PPP4R3A: variants seen among roughly 807,000 people sequenced by gnomAD.
PPP4R3A encodes the protein serine/threonine-protein phosphatase 4 regulatory subunit 3A.
PPP4R3A carries 15 observed loss-of-function variants against 91.7 expected under a neutral mutation model. The observed-to-expected ratio is 0.16, with a 90% CI of 0.11 to 0.25. The LOEUF is 0.25. PPP4R3A is among the 10% of genes least tolerant of loss of function. PPP4R3A has a pLI of 1.00. For synonymous variants in PPP4R3A, 377 were observed against 348.7 expected (o/e 1.08, Z -0.91); for missense variants, 623 against 998.4 (o/e 0.62, Z 5.07).
Position 91,509,953 on chromosome 14 carries a change from A to G in PPP4R3A, c.-306T>C, listed in dbSNP as rs923740308. ...TAGCCTCCCGCCCCGCAGCGCTAGG[A>G]ACTCGGGGCTCCCGTCACTGCCCTG... On this transcript the variant is annotated 5_prime_UTR_variant, in exon 1 of 15. Transcript: ENST00000554943. The G allele has an allele frequency of 5.0e-5, 51 of 1,021,036 alleles. No individual in the cohort carries two copies. In the African/African-American group the frequency reaches 8.2e-4, roughly 16 times the overall value. 63.2% of individuals were successfully genotyped at this position (1,021,036 alleles called of 1,614,324 possible). A position where few individuals can be genotyped will look rare whatever the true frequency, so the allele number is the denominator to read the frequency against.
At chr14:91,476,869 T>C (rs199996132) in intron 5 of PPP4R3A, 40 bp downstream of exon 5, 4 of 1,515,042 alleles carry the variant, frequency 2.6e-6, no homozygotes, top group Non-Finnish European at 3.6e-6. Flanking sequence ...CCCGGCCAGT[T>C]GTTTTATTTT....
chr14:91,472,924 C>G (rs1888943896), intron 9 of PPP4R3A, 109 bp downstream of exon 9: 2 of 919,742 alleles, frequency 2.2e-6, no homozygotes, highest in Non-Finnish European at 3.4e-6. Flanking sequence ...GGTGTGTCCT[C>G]CCAGCCTCTA....
chr14:91,475,546 A>G, intron 7 of PPP4R3A: 1 of 335,502 alleles, frequency 3.0e-6, no homozygotes, highest in Non-Finnish European at 5.4e-6. Flanking sequence ...AACACAATAT[A>G]GCAAGTTGAC....
At chr14:91,507,424 ATATAC>A (rs1368515828) in intron 1 of PPP4R3A, among the ~76,000 whole-genome samples, 3 of 134,424 alleles carry the variant, frequency 2.2e-5, no homozygotes, top group African/African-American at 2.7e-5. Flanking sequence ...TATATAATAT[ATATAC>A]TATAATTATA....
chr14:91,509,702 GC>G lies in PPP4R3A; in HGVS notation c.-56del. 2 of 1,562,442 alleles carry G rather than the reference GC, an allele frequency of 1.3e-6. No homozygotes were observed. On this transcript the variant is annotated 5_prime_UTR_variant, in exon 1 of 15. Transcript: ENST00000554943. ...CCGCCAGTAGACGCCCAGGAAAGGG[GC>G]CCTGGAGAGGCGAGGGGCGAGGCGT...
intron 14 of PPP4R3A, among the ~76,000 whole-genome samples, chr14:91,460,637 C>CTTTTTTTT (rs573677740): frequency 7.2e-5 from 8 of 111,280 alleles, no homozygotes; most frequent in Admixed American, 2.1e-4. Flanking sequence ...GATTTTGTTC[C>CTTTTTTTT]TTTTTTTTTT....
intron 1 of PPP4R3A, among the ~76,000 whole-genome samples, chr14:91,491,689 G>A (rs1890242319): frequency 6.6e-6 from 1 of 152,206 alleles, no homozygotes; most frequent in Non-Finnish European, 1.5e-5. Context: ...ACAGGCGTGA[G>A]CCACCACGCC....
chr14:91,459,016 A>G, intron 14 of PPP4R3A, 147 bp from the exon 15 acceptor site: 1 of 867,322 alleles, frequency 1.2e-6, no homozygotes, highest in Non-Finnish European at 1.7e-6. Flanking sequence ...ACTTCAATTC[A>G]TTATGTTTAC....
chr14:91,478,355 A>T (rs1051131816), intron 4 of PPP4R3A, among the ~76,000 whole-genome samples: 4 of 152,252 alleles, frequency 2.6e-5, no homozygotes, highest in African/African-American at 9.6e-5. Flanking sequence ...CTACAAAGGA[A>T]GCAGTCAATG....
intron 3 of PPP4R3A, among the ~76,000 whole-genome samples, 170 bp downstream of exon 3, chr14:91,485,460 TAG>T (rs1889825715): frequency 6.6e-6 from 1 of 152,228 alleles, no homozygotes; most frequent in Non-Finnish European, 1.5e-5. Context: ...AGGTATGAGC[TAG>T]AGAGTTTAGT....
At chr14:91,459,693 G>A (rs1888000794) in intron 14 of PPP4R3A, among the ~76,000 whole-genome samples, 1 of 151,710 alleles carries the variant, frequency 6.6e-6, no homozygotes, top group African/African-American at 2.4e-5. Context: ...AAATTAGCCA[G>A]GTGTGGTGGT....
intron 10 of PPP4R3A, among the ~76,000 whole-genome samples, chr14:91,466,653 T>C (rs1401741581): frequency 6.6e-6 from 1 of 152,166 alleles, no homozygotes; most frequent in Non-Finnish European, 1.5e-5. Context: ...AACATACTCA[T>C]GGTGAACTAA....
At chr14:91,495,399 C>T (rs934606283) in intron 1 of PPP4R3A, among the ~76,000 whole-genome samples, 16 of 151,562 alleles carry the variant, frequency 1.1e-4, no homozygotes, top group African/African-American at 3.4e-4. Flanking sequence ...ACTGCAGCCT[C>T]TGCCTCCTGG....
In PPP4R3A at chr14:91,458,501, C is replaced by G; in HGVS notation, c.*258G>C. ...CCCCTGCCCTGTTGGCTTTTTGTTTCCATTTCCTTCCCTGAGAAAAGGGCA... is the reference window on the plus strand; with the variant it reads ...CCCCTGCCCTGTTGGCTTTTTGTTTGCATTTCCTTCCCTGAGAAAAGGGCA... On this transcript the variant is annotated 3_prime_UTR_variant, in exon 15 of 15. Coordinates refer to ENST00000554943, the MANE Select transcript of PPP4R3A (RefSeq NM_001366432.2). The G allele has an allele frequency of 1.9e-6, 1 of 520,538 alleles. No individual in the cohort carries two copies. Among genetic ancestry groups the G allele is most frequent in the Non-Finnish European group, 3.5e-6 (1 of 288,870 alleles). The allele number at this position is 520,538 out of a possible 1,614,324, so 32.2% of individuals were successfully genotyped here. A position where few individuals can be genotyped will look rare whatever the true frequency, so the allele number is the denominator to read the frequency against.
At chr14:91,468,667 C>CAAAA (rs766250846) in intron 10 of PPP4R3A, among the ~76,000 whole-genome samples, 6,552 of 44,888 alleles carry the variant, frequency 0.15, 1,273 homozygotes, top group African/African-American at 0.36. Flanking sequence ...GACTCCGTCT[C>CAAAA]AAAAAAAAAA....
At chr14:91,492,572 C>T (rs1286926275) in intron 1 of PPP4R3A, among the ~76,000 whole-genome samples, 1 of 152,222 alleles carries the variant, frequency 6.6e-6, no homozygotes, top group Non-Finnish European at 1.5e-5. Context: ...CCACTTCACA[C>T]CAACCCTCCC....
chr14:91,459,198 A>G (rs2140056955), intron 14 of PPP4R3A, among the ~76,000 whole-genome samples: 1 of 152,134 alleles, frequency 6.6e-6, no homozygotes, highest in Middle Eastern at 3.4e-3. Flanking sequence ...TCCACCTCCC[A>G]GGTTCAAGCA....
Position 91,462,883 on chromosome 14 carries a change from G to T in PPP4R3A, c.1831-6C>A. ...GTTAATGATTTTATATCTTCCTACA[G>T]AAAAGAATAGTAATGAAAAAATGAT... On this transcript the variant is annotated splice_polypyrimidine_tract_variant and splice_region_variant and intron_variant, in intron 11 of 14. Coordinates refer to ENST00000554943, the MANE Select transcript of PPP4R3A (RefSeq NM_001366432.2). The T allele has an allele frequency of 6.3e-7, 1 of 1,582,308 alleles. No individual in the cohort carries two copies. Among genetic ancestry groups the T allele is most frequent in the Non-Finnish European group, 8.6e-7 (1 of 1,157,786 alleles).
chr14:91,459,395 T>C (rs775154164), intron 14 of PPP4R3A, among the ~76,000 whole-genome samples: 9 of 151,858 alleles, frequency 5.9e-5, no homozygotes, highest in Non-Finnish European at 1.0e-4. Flanking sequence ...CATGAGCCAC[T>C]GCACCCAAAC....
Sources: allele counts gnomAD v4.1 joint callset (sites outside exome capture counted in the v4.1 genomes callset), GRCh38; gene constraint gnomAD v4.1.1; transcripts MANE v1.5; gene names NCBI Gene and HGNC (gene_info 2026-07-23, HGNC 2026-07-21).